Variants in CYTH3 observed in about 807,000 individuals in gnomAD.
CYTH3 encodes cytohesin 3.
In CYTH3, 23 loss-of-function variants were observed where a neutral mutation model predicts 55.1. The ratio of observed to expected loss-of-function variants is 0.42; its 90% confidence interval spans 0.30 to 0.59. The LOEUF (loss-of-function observed/expected upper bound fraction) is 0.59. Among genes scored for constraint, CYTH3 ranks in the 20% least tolerant of loss-of-function variants. CYTH3 has a pLI of 0.20. For missense variants in CYTH3, 413 were observed against 524.8 expected, an observed-to-expected ratio of 0.79 and a Z score of 2.08; for synonymous variants, 249 against 194.9, an observed-to-expected ratio of 1.28 and a Z score of -2.31.
At chr7:6,255,846 C>G (rs1780089688) in intron 1 of CYTH3, among the ~76,000 whole-genome samples, 2 of 147,100 alleles carry the variant, frequency 1.4e-5, no homozygotes, top group African/African-American at 5.1e-5. Context: ...TCACTACAAG[C>G]TCCGCCTTCC....
intron 1 of CYTH3, among the ~76,000 whole-genome samples, chr7:6,259,778 AT>A (rs1780263621): frequency 7.5e-4 from 15 of 20,032 alleles, no homozygotes; most frequent in Admixed American, 2.8e-3. Flanking sequence ...TATATTATAT[AT>A]ATATAATATA....
intron 1 of CYTH3, among the ~76,000 whole-genome samples, chr7:6,198,957 T>C (rs1436953425): frequency 6.6e-6 from 1 of 152,226 alleles, no homozygotes; most frequent in African/African-American, 2.4e-5. Context: ...GGTTTATTTC[T>C]AACAATGCAT....
intron 1 of CYTH3, among the ~76,000 whole-genome samples, chr7:6,221,544 C>T (rs984932464): frequency 1.3e-5 from 2 of 152,118 alleles, no homozygotes; most frequent in Non-Finnish European, 2.9e-5. Context: ...CAAAACTATA[C>T]AAACACCTCA....
At chr7:6,223,176 G>A (rs1037213304) in intron 1 of CYTH3, among the ~76,000 whole-genome samples, 24 of 151,552 alleles carry the variant, frequency 1.6e-4, no homozygotes, top group Admixed American at 1.2e-3. Flanking sequence ...GGTGGGGGGC[G>A]CCTCTGCCCG....
rs1012862309 is a variant in CYTH3 at position 6,164,885 on chromosome 7, G to A, written c.*59C>T. ...CTGCCACGCCTTCCGCGGAGGGGCC[G>A]CCCGCGGTGTCTTTCTGCTGGGGTT... On this transcript the variant is annotated 3_prime_UTR_variant, in exon 13 of 13. Transcript: ENST00000350796. 8 of 1,590,876 alleles carry A rather than the reference G, an allele frequency of 5.0e-6. No individual in the cohort carries two copies. The highest frequency in any genetic ancestry group is 2.2e-5 in the East Asian group (1 of 44,770).
intron 10 of CYTH3, 58 bp from the exon 11 acceptor site, chr7:6,165,674 C>A: frequency 6.2e-7 from 1 of 1,612,886 alleles, no homozygotes; most frequent in South Asian, 1.1e-5. Flanking sequence ...GAGGGTCCCT[C>A]GGCCCCAGGG....
At chr7:6,177,208 T>C (rs2128540072) in intron 5 of CYTH3, among the ~76,000 whole-genome samples, 1 of 152,342 alleles carries the variant, frequency 6.6e-6, no homozygotes, top group Admixed American at 6.5e-5. Context: ...CTTTCCACTT[T>C]CGATCAAATA....
intron 9 of CYTH3, among the ~76,000 whole-genome samples, chr7:6,168,946 G>A (rs951192815): frequency 5.9e-5 from 9 of 152,130 alleles, no homozygotes; most frequent in African/African-American, 1.7e-4. Flanking sequence ...AGTGCCTGCC[G>A]GCATTTCCGG....
intron 1 of CYTH3, among the ~76,000 whole-genome samples, chr7:6,225,123 T>G (rs763126340): frequency 7.2e-5 from 11 of 152,200 alleles, no homozygotes; most frequent in South Asian, 6.2e-4. Context: ...ATGGCTGTAA[T>G]TCCAAAACAA....
At chr7:6,195,895 A>T (rs546000428) in intron 1 of CYTH3, among the ~76,000 whole-genome samples, 136 of 152,308 alleles carry the variant, frequency 8.9e-4, no homozygotes, top group African/African-American at 2.9e-3. Flanking sequence ...TACACCTCCA[A>T]GGTGCTCATC....
chr7:6,268,832 T>C (rs1780576677), intron 1 of CYTH3, among the ~76,000 whole-genome samples: 1 of 152,048 alleles, frequency 6.6e-6, no homozygotes, highest in African/African-American at 2.4e-5. Context: ...GGGAATTTAA[T>C]ATAAGGAATT....
At chr7:6,165,463 G>A (rs763029750) in intron 11 of CYTH3, 36 bp from the exon 12 acceptor site, 6 of 1,609,270 alleles carry the variant, frequency 3.7e-6, no homozygotes, top group East Asian at 4.5e-5. Flanking sequence ...CGGTCAGGGG[G>A]GCTTGGGGCA....
intron 1 of CYTH3, among the ~76,000 whole-genome samples, chr7:6,245,114 C>G (rs1355721780): frequency 6.6e-6 from 1 of 151,270 alleles, no homozygotes; most frequent in Non-Finnish European, 1.5e-5. Context: ...CCACCGCGCC[C>G]GGCCTTCTAG....
rs148469691 is a variant in CYTH3, at chr7:6,263,612, G to A, written c.34+8862C>T. Reference sequence around the variant, plus strand: ...GGAGTTCAAGACCAGCCTGGCCAACGTAGCAAAAACCTGTCTCTACTAAAA... The same window carrying A: ...GGAGTTCAAGACCAGCCTGGCCAACATAGCAAAAACCTGTCTCTACTAAAA... On this transcript the variant is annotated intron_variant, in intron 1 of 12. Coordinates refer to ENST00000350796, the MANE Select transcript of CYTH3 (RefSeq NM_004227.4). Among the ~76,000 whole-genome samples the A allele has an allele frequency of 6.4e-3, 964 of 151,296 alleles. 28 individuals carry two copies. Among genetic ancestry groups the A allele is most frequent in the Admixed American group, 0.041 (622 of 15,210 alleles).
In CYTH3 at chr7:6,162,846, G is replaced by A. The variant is rs576574673; in HGVS notation, c.*2098C>T. 2 of 152,766 alleles carry A rather than the reference G, an allele frequency of 1.3e-5. No individual in the cohort carries two copies. Among genetic ancestry groups the A allele is most frequent in the South Asian group, 4.1e-4 (2 of 4,830 alleles). 9.5% of individuals were successfully genotyped at this position (152,766 alleles called of 1,614,324 possible). On this transcript the variant is annotated 3_prime_UTR_variant, in exon 13 of 13. Transcript: ENST00000350796. ...TCACACCTGGGTTGGTCAGAAGAAG[G>A]AAACAGCTTGTCCGAGCACAACATG...
chr7:6,190,393 TAC>T, intron 2 of CYTH3, 54 bp downstream of exon 2: 2 of 1,320,842 alleles, frequency 1.5e-6, no homozygotes, highest in South Asian at 1.6e-5. Flanking sequence ...TTTACTATTT[TAC>T]TCAAAAGCAA....
At chr7:6,251,663 C>A (rs1195677903) in intron 1 of CYTH3, among the ~76,000 whole-genome samples, 1 of 152,150 alleles carries the variant, frequency 6.6e-6, no homozygotes, top group Non-Finnish European at 1.5e-5. Flanking sequence ...AGACACTGAA[C>A]AACATTTTTG....
intron 6 of CYTH3, chr7:6,173,128 G>T (rs1783246586): frequency 1.0e-6 from 1 of 953,008 alleles, no homozygotes; most frequent in Non-Finnish European, 1.3e-6. Flanking sequence ...CTCAGCCAGG[G>T]CACCAAGGAA....
At chr7:6,202,113 G>C (rs964408296) in intron 1 of CYTH3, among the ~76,000 whole-genome samples, 13 of 152,218 alleles carry the variant, frequency 8.5e-5, no homozygotes, top group Non-Finnish European at 1.6e-4. Context: ...CTTTGACCAA[G>C]AGAAGATGGC....
Sources: gnomAD v4.1 joint callset for allele counts (sites outside exome capture counted in the v4.1 genomes callset) on GRCh38, gnomAD v4.1.1 for gene constraint, MANE v1.5 for transcripts, NCBI Gene and HGNC (gene_info 2026-07-23, HGNC 2026-07-21) for gene names.